The following ANO4 variants were observed in gnomAD, a reference collection of about 807,000 sequenced individuals.
ANO4 encodes the protein anoctamin 4.
ANO4 carries 69 observed loss-of-function variants against 141.9 expected under a neutral mutation model. The ratio of observed to expected loss-of-function variants is 0.49; its 90% confidence interval spans 0.40 to 0.59. The LOEUF (loss-of-function observed/expected upper bound fraction) is 0.59. Ranked by LOEUF, ANO4 falls within the 20% of genes least tolerant of loss-of-function variation. The pLI, the probability that ANO4 is intolerant of heterozygous loss-of-function variation, is 0.00. For missense variants in ANO4, 894 were observed against 1,162.2 expected, an observed-to-expected ratio of 0.77 and a Z score of 3.36; for synonymous variants, 350 against 394.3, an observed-to-expected ratio of 0.89 and a Z score of 1.33.
At chr12:101,115,348 G>T (rs2050811705) in intron 24 of ANO4, among the ~76,000 whole-genome samples, 1 of 152,086 alleles carries the variant, frequency 6.6e-6, no homozygotes, top group African/African-American at 2.4e-5. Context: ...AGCTATTCAG[G>T]AGTCTGAGGT....
intron 1 of ANO4, among the ~76,000 whole-genome samples, chr12:100,823,391 C>T (rs116369158): frequency 8.5e-5 from 13 of 152,146 alleles, no homozygotes; most frequent in African/African-American, 3.1e-4. Flanking sequence ...TGTTATTTCA[C>T]TTACAGGTGG....
chr12:100,923,043 A>G (rs1393340179), intron 3 of ANO4, among the ~76,000 whole-genome samples: 1 of 152,130 alleles, frequency 6.6e-6, no homozygotes, highest in African/African-American at 2.4e-5. Flanking sequence ...AATTTATCTC[A>G]TGTTGGATTT....
In ANO4 at chr12:101,110,422, C is replaced by T. The variant is rs1213863899; in HGVS notation, c.2168C>T (p.Thr723Ile). 11 of 1,608,362 alleles carry T rather than the reference C, an allele frequency of 6.8e-6. No individual in the cohort carries two copies. The East Asian group carries it at 8.9e-5, about 13-fold the overall frequency. The change falls in exon 23 of 28, where the codon ACA becomes ATA. Residue 723 changes from threonine to isoleucine, a missense_variant. By Grantham distance (89) the Thr-to-Ile change is moderately conservative. Coordinates refer to ENST00000392977, the MANE Select transcript of ANO4 (RefSeq NM_001286615.2). ...YLEMILQFGF[T>I]TIFVAAFPLA... ...TTTCTAGTTCTTCAGTTTGGATTCA[C>T]AACTATCTTTGTGGCAGCTTTTCCC...
At chr12:100,990,611 T>C (rs962398100) in intron 8 of ANO4, among the ~76,000 whole-genome samples, 15 of 152,088 alleles carry the variant, frequency 9.9e-5, no homozygotes, top group African/African-American at 3.6e-4. Context: ...GTACAGAGGG[T>C]ATAAAGATAA....
chr12:101,070,667 G>A (rs1370472679), intron 14 of ANO4, among the ~76,000 whole-genome samples: 13 of 152,048 alleles, frequency 8.5e-5, no homozygotes, highest in Non-Finnish European at 1.9e-4. Context: ...GGACAAATGG[G>A]ATCACGTCAA....
At chr12:100,967,236 C>A (rs2043710674) in intron 5 of ANO4, among the ~76,000 whole-genome samples, 2 of 151,984 alleles carry the variant, frequency 1.3e-5, no homozygotes, top group African/African-American at 4.8e-5. Context: ...ATTTGTATTG[C>A]AGTATATTAA....
intron 1 of ANO4, among the ~76,000 whole-genome samples, chr12:100,840,366 A>G (rs1179753169): frequency 2.0e-5 from 3 of 152,232 alleles, no homozygotes; most frequent in Non-Finnish European, 4.4e-5. Context: ...CCTACCATCT[A>G]TATATAACTT....
intron 17 of ANO4, among the ~76,000 whole-genome samples, chr12:101,090,436 A>C (rs112647132): frequency 1.3e-5 from 2 of 152,214 alleles, no homozygotes; most frequent in African/African-American, 4.8e-5. Flanking sequence ...GGATGAGTTC[A>C]TGTCCTTTAT....
intron 1 of ANO4, among the ~76,000 whole-genome samples, chr12:100,806,523 C>CCTTTTTT (rs1593379234): frequency 2.2e-5 from 1 of 44,956 alleles, no homozygotes; most frequent in African/African-American, 7.3e-5. Flanking sequence ...TTTTTTGTTT[C>CCTTTTTT]GTTTTTTTTT....
intron 14 of ANO4, chr12:101,066,673 C>A (rs924004438): frequency 6.3e-6 from 4 of 631,346 alleles, no homozygotes; most frequent in Non-Finnish European, 8.6e-6. Flanking sequence ...GCCCTGCGGT[C>A]GGCGGCCTCC....
Position 101,079,246 on chromosome 12 carries a change from T to A in ANO4, c.1366T>A (p.Trp456Arg). ...KRRRAVIAYD[W>R]DLIDWEEEEE... Reference sequence around the variant, plus strand: ...ACGGCGAGCAGTAATTGCTTATGACTGGGATTTGATAGACTGGGAAGAAGA... The same window carrying A: ...ACGGCGAGCAGTAATTGCTTATGACAGGGATTTGATAGACTGGGAAGAAGA... Residue 456 changes from tryptophan (W) to arginine (R), a missense_variant, in exon 15 of 28, where the codon TGG becomes AGG. Transcript: ENST00000392977. 1 of 1,614,020 alleles carries A rather than the reference T, an allele frequency of 6.2e-7. No individual in the cohort carries two copies. Among genetic ancestry groups the A allele is most frequent in the Non-Finnish European group, 8.5e-7 (1 of 1,179,922 alleles).
At chr12:100,817,904 A>G (rs1808274274) in intron 1 of ANO4, among the ~76,000 whole-genome samples, 1 of 151,824 alleles carries the variant, frequency 6.6e-6, no homozygotes, top group South Asian at 2.1e-4. Flanking sequence ...TTTGTTTTAC[A>G]GTTTCTTTTT....
chr12:100,983,439 G>A (rs2044573058), intron 7 of ANO4, among the ~76,000 whole-genome samples: 1 of 152,194 alleles, frequency 6.6e-6, no homozygotes, highest in Non-Finnish European at 1.5e-5. Flanking sequence ...GTCTGTTCAG[G>A]GTTTCCCAAG....
Position 100,942,691 on chromosome 12 carries a change from CT to C in ANO4, c.456+159del, listed in dbSNP as rs571808844. ...TTTGGGGAATGTTCCAATATTTAGA[CT>C]TTGACAGCACAGTTTGCTTTTGAGA... is the stretch of plus-strand genomic sequence containing the variant. On this transcript the variant is annotated intron_variant, in intron 5 of 27. Transcript: ENST00000392977. 4.3e-3 allele frequency among the ~76,000 whole-genome samples: 649 copies of C among 152,264 alleles called. 4 individuals are homozygous for C. The highest frequency in any genetic ancestry group is 0.014 in the African/African-American group (589 of 41,540).
chr12:100,721,823 T>G (rs1219112275), intron 1 of ANO4, among the ~76,000 whole-genome samples: 1 of 151,884 alleles, frequency 6.6e-6, no homozygotes, highest in Non-Finnish European at 1.5e-5. Context: ...TGACCACAGG[T>G]GTGGGTCACC....
chr12:100,961,475 CCACTAAAT>C (rs1178023267), intron 5 of ANO4, among the ~76,000 whole-genome samples: 2 of 152,134 alleles, frequency 1.3e-5, no homozygotes, highest in African/African-American at 4.8e-5. Flanking sequence ...TCAGCATGAA[CCACTAAAT>C]CACTGCAACG....
intron 8 of ANO4, among the ~76,000 whole-genome samples, chr12:100,998,983 A>C (rs2045517064): frequency 6.6e-6 from 1 of 152,194 alleles, no homozygotes; most frequent in South Asian, 2.1e-4. Flanking sequence ...AACCTGGGGC[A>C]CAGAAGGGTT....
chr12:101,110,571 G>A lies in ANO4; in HGVS notation c.2302+15G>A. Reference sequence around the variant, plus strand: ...CAAAGACATAGGTAAGTTGGATTTGGGTATGTTTTTAAAAAACATATTAAA... The same window carrying A: ...CAAAGACATAGGTAAGTTGGATTTGAGTATGTTTTTAAAAAACATATTAAA... On this transcript the variant is annotated intron_variant, in intron 23 of 27. Coordinates refer to ENST00000392977, the MANE Select transcript of ANO4 (RefSeq NM_001286615.2). 1.3e-6 allele frequency: 2 copies of A among 1,524,996 alleles called. No homozygotes were observed. Among genetic ancestry groups the A allele is most frequent in the Non-Finnish European group, 8.8e-7 (1 of 1,138,402 alleles). 94.5% of individuals were successfully genotyped at this position (1,524,996 alleles called of 1,614,324 possible). A position where few individuals can be genotyped will look rare whatever the true frequency, so the allele number is the denominator to read the frequency against.
rs1012583753 is a variant in ANO4, at chr12:100,878,026, CT to C, written c.-140-23611del. Among the ~76,000 whole-genome samples, 7 of 151,854 alleles carry C rather than the reference CT, an allele frequency of 4.6e-5. No homozygotes were observed. In the South Asian group the frequency reaches 8.3e-4, roughly 18 times the overall value. ...AGCAATACTGTAATTTGTATCTCAA[CT>C]TTTTTTTTCCTACTAGCATTATCTA... is the stretch of plus-strand genomic sequence containing the variant. On this transcript the variant is annotated intron_variant, in intron 1 of 27. Coordinates refer to ENST00000392977, the MANE Select transcript of ANO4 (RefSeq NM_001286615.2).
Sources: gnomAD v4.1 joint callset for allele counts (sites outside exome capture counted in the v4.1 genomes callset) on GRCh38, gnomAD v4.1.1 for gene constraint, MANE v1.5 for transcripts, NCBI Gene and HGNC (gene_info 2026-07-23, HGNC 2026-07-21) for gene names.